The following PCSK5 variants were observed in gnomAD, a reference collection of about 807,000 sequenced individuals.
The protein encoded by PCSK5 is prohormone convertase 5.
Under a neutral mutation model 233.2 loss-of-function variants are expected in PCSK5, and 129 were observed. The observed-to-expected ratio is 0.55, with a 90% CI of 0.48 to 0.64. The LOEUF is 0.64. PCSK5 is among the 30% of genes least tolerant of loss of function. PCSK5 has a pLI of 0.00. For synonymous variants in PCSK5, 825 were observed against 879.2 expected, an observed-to-expected ratio of 0.94 and a Z score of 1.09; for missense variants, 2,076 against 2,430.1, an observed-to-expected ratio of 0.85 and a Z score of 3.06.
At chr9:76,038,873 A>G (rs538640078) in intron 5 of PCSK5, among the ~76,000 whole-genome samples, 1 of 152,200 alleles carries the variant, frequency 6.6e-6, no homozygotes, top group African/African-American at 2.4e-5. Flanking sequence ...TGCCACAGCA[A>G]CTGGGGTTTA....
intron 21 of PCSK5, among the ~76,000 whole-genome samples, chr9:76,229,392 C>G (rs373031200): frequency 6.6e-6 from 1 of 152,202 alleles, no homozygotes; most frequent in African/African-American, 2.4e-5. Context: ...CAATTAAAAA[C>G]CTGGAGAAAG....
chr9:76,242,804 G>A (rs966334490), intron 24 of PCSK5, among the ~76,000 whole-genome samples: 2 of 152,156 alleles, frequency 1.3e-5, no homozygotes, highest in Non-Finnish European at 2.9e-5. Context: ...TCTTGGAGGC[G>A]GGTTGTGTGT....
chr9:75,982,490 A>G lies in PCSK5; in HGVS notation c.298-3642A>G, dbSNP rs1826322602. On this transcript the variant is annotated intron_variant, in intron 2 of 37. Coordinates refer to ENST00000674117, the MANE Select transcript of PCSK5 (RefSeq NM_001372043.1). ...TGTTATCAACCTTTAGACTGTTTGT[A>G]TCTGAAAGGTGAAAAGTGATATCTC... 2.6e-5 allele frequency among the ~76,000 whole-genome samples: 4 copies of G among 152,296 alleles called. No individual in the cohort carries two copies. In the South Asian group the frequency reaches 8.3e-4, roughly 32 times the overall value.
At chr9:76,067,534 C>T (rs546343312) in intron 5 of PCSK5, among the ~76,000 whole-genome samples, 1 of 152,224 alleles carries the variant, frequency 6.6e-6, no homozygotes, top group East Asian at 1.9e-4. Context: ...TTCTCATACC[C>T]ATCTTAAGTT....
At chr9:76,254,919 T>C (rs919142063) in intron 24 of PCSK5, among the ~76,000 whole-genome samples, 3 of 152,202 alleles carry the variant, frequency 2.0e-5, no homozygotes, top group African/African-American at 7.2e-5. Flanking sequence ...AGCTGTAAAA[T>C]GCAGGTGCTG....
At chr9:76,220,912 A>T (rs779919354) in intron 20 of PCSK5, among the ~76,000 whole-genome samples, 1 of 152,070 alleles carries the variant, frequency 6.6e-6, no homozygotes, top group Non-Finnish European at 1.5e-5. Flanking sequence ...AAATCCCCCC[A>T]GTCTTCCCCA....
chr9:76,150,792 C>T (rs1285077211), intron 10 of PCSK5, among the ~76,000 whole-genome samples: 3 of 152,128 alleles, frequency 2.0e-5, no homozygotes, highest in East Asian at 1.9e-4. Flanking sequence ...ATGCTCCTTT[C>T]GCACTGAAAT....
At chr9:76,054,302 A>T (rs1012184295) in intron 5 of PCSK5, among the ~76,000 whole-genome samples, 1 of 152,212 alleles carries the variant, frequency 6.6e-6, no homozygotes, top group South Asian at 2.1e-4. Context: ...TTGCAACATT[A>T]TATTTGAGAA....
At chr9:76,115,409 G>A (rs1409246157) in intron 9 of PCSK5, among the ~76,000 whole-genome samples, 4 of 152,136 alleles carry the variant, frequency 2.6e-5, no homozygotes, top group Admixed American at 2.6e-4. Flanking sequence ...ATCTGCTTCT[G>A]TGTCTTTTAA....
At chr9:76,208,366 A>G (rs1825203692) in intron 20 of PCSK5, among the ~76,000 whole-genome samples, 1 of 152,182 alleles carries the variant, frequency 6.6e-6, no homozygotes, top group Admixed American at 6.5e-5. Context: ...CAAAGTTTAA[A>G]GAGGCCCTTC....
At chr9:76,239,394 C>G (rs933110122) in intron 23 of PCSK5, among the ~76,000 whole-genome samples, 1 of 152,116 alleles carries the variant, frequency 6.6e-6, no homozygotes, top group Non-Finnish European at 1.5e-5. Context: ...TAGGAATGCA[C>G]TTAAGTGTAT....
chr9:76,345,211 T>C (rs573119707), intron 35 of PCSK5, among the ~76,000 whole-genome samples: 1 of 151,558 alleles, frequency 6.6e-6, no homozygotes, highest in Non-Finnish European at 1.5e-5. Flanking sequence ...TTTTATTTTA[T>C]TTTACTTTAT....
chr9:76,280,626 C>T (rs1163705065), intron 24 of PCSK5, among the ~76,000 whole-genome samples: 1 of 152,030 alleles, frequency 6.6e-6, no homozygotes, highest in Non-Finnish European at 1.5e-5. Context: ...GTCCCAGCTA[C>T]ATGGTGGGCT....
At chr9:76,085,745 G>T (rs994320357) in intron 7 of PCSK5, among the ~76,000 whole-genome samples, 1 of 152,172 alleles carries the variant, frequency 6.6e-6, no homozygotes, top group African/African-American at 2.4e-5. Context: ...TAGTAGAGGC[G>T]TGTGACAGTT....
At chr9:75,949,709 G>A (rs1036257766) in intron 2 of PCSK5, among the ~76,000 whole-genome samples, 2 of 151,890 alleles carry the variant, frequency 1.3e-5, no homozygotes, top group Admixed American at 1.3e-4. Context: ...TTTATTTTTA[G>A]TAGAGATAGG....
intron 1 of PCSK5, among the ~76,000 whole-genome samples, chr9:75,930,352 A>T (rs1300544429): frequency 6.6e-6 from 1 of 152,164 alleles, no homozygotes; most frequent in Non-Finnish European, 1.5e-5. Flanking sequence ...GGTCAGTGTG[A>T]TTTGAGGTGA....
intron 1 of PCSK5, among the ~76,000 whole-genome samples, chr9:75,929,853 T>C (rs975728692): frequency 2.7e-5 from 4 of 149,452 alleles, no homozygotes; most frequent in African/African-American, 9.9e-5. Context: ...TATAAAACTG[T>C]CAGATCTCTT....
intron 3 of PCSK5, among the ~76,000 whole-genome samples, chr9:76,014,390 G>A (rs1827858489): frequency 6.6e-6 from 1 of 152,190 alleles, no homozygotes; most frequent in African/African-American, 2.4e-5. Flanking sequence ...GTTTGTGTGA[G>A]AGGGTAATGT....
intron 12 of PCSK5, among the ~76,000 whole-genome samples, chr9:76,164,738 T>C (rs982052275): frequency 2.6e-5 from 4 of 152,186 alleles, no homozygotes; most frequent in African/African-American, 9.7e-5. Flanking sequence ...TCAAAAGACT[T>C]GGGAGCAGTA....
Sources: allele counts gnomAD v4.1 joint callset (sites outside exome capture counted in the v4.1 genomes callset), GRCh38; gene constraint gnomAD v4.1.1; transcripts MANE v1.5; gene names NCBI Gene and HGNC (gene_info 2026-07-23, HGNC 2026-07-21).